Variants in SNURF observed in about 807,000 individuals in gnomAD.
SNURF encodes SNRPN upstream open reading frame, also known as SNURF protein.
Under a neutral mutation model 11.6 loss-of-function variants are expected in SNURF, and 6 were observed. That is an observed-to-expected ratio of 0.52 (90% CI 0.28 to 1.02). SNURF has a LOEUF of 1.02. SNURF is among the 50% of genes least tolerant of loss of function. The probability of loss-of-function intolerance (pLI) is 0.09; values close to 1 mark genes in which losing one functional copy is unlikely to be tolerated. For missense variants in SNURF, 84 were observed against 88.4 expected, an observed-to-expected ratio of 0.95 and a Z score of 0.20; for synonymous variants, 29 against 31.6, an observed-to-expected ratio of 0.92 and a Z score of 0.27.
chr15:24,966,609 A>T (rs763301105), intron 2 of SNURF, among the ~76,000 whole-genome samples: 1 of 152,108 alleles, frequency 6.6e-6, no homozygotes, highest in African/African-American at 2.4e-5. Context: ...ATTACCAAGA[A>T]CTCAGGTGTG....
chr15:24,957,874 C>G (rs1208688689), intron 1 of SNURF, among the ~76,000 whole-genome samples: 1 of 152,114 alleles, frequency 6.6e-6, no homozygotes, highest in Non-Finnish European at 1.5e-5. Flanking sequence ...GCCCGGGATC[C>G]TAATATGGCA....
chr15:24,958,385 CCTT>C (rs923462958), intron 1 of SNURF, among the ~76,000 whole-genome samples: 3 of 139,008 alleles, frequency 2.2e-5, no homozygotes, highest in African/African-American at 8.3e-5. Context: ...GGTCCTGTCT[CCTT>C]TTTTTTTTTT....
chr15:24,963,518 G>A (rs563431649), intron 2 of SNURF, among the ~76,000 whole-genome samples: 167 of 152,062 alleles, frequency 1.1e-3, no homozygotes, highest in Non-Finnish European at 1.6e-3. Flanking sequence ...GGGAGGCTGA[G>A]GCAGGAGAAT....
downstream of SNURF, among the ~76,000 whole-genome samples, chr15:24,973,019 C>A (rs567729741): frequency 1.2e-4 from 18 of 152,084 alleles, no homozygotes; most frequent in Non-Finnish European, 2.5e-4. Flanking sequence ...TCCTGAGTAG[C>A]TGGGATTACA....
At chr15:24,972,569 G>T (rs2076558347), downstream of SNURF, among the ~76,000 whole-genome samples, 1 of 142,028 alleles carries the variant, frequency 7.0e-6, no homozygotes, top group Non-Finnish European at 1.5e-5. Context: ...TTGAGATGGA[G>T]TTTCACTCTT....
intron 2 of SNURF, among the ~76,000 whole-genome samples, chr15:24,964,202 G>GT (rs2075284880): frequency 6.6e-6 from 1 of 151,672 alleles, no homozygotes. Context: ...TTTTATGTAC[G>GT]TTTTGTTTGT....
At chr15:24,976,241 A>G in intron 4 of SNURF, 3 of 1,224,806 alleles carry the variant, frequency 2.4e-6, no homozygotes, top group Non-Finnish European at 3.6e-6. Context: ...GAGGTTGTAT[A>G]AATATTTTGA....
chr15:24,977,661 A>C, intron 6 of SNURF: 1 of 998,530 alleles, frequency 1.0e-6, no homozygotes, highest in Non-Finnish European at 1.4e-6. Context: ...GAATAATGAG[A>C]GAAGTACATT....
At chr15:24,976,254 A>C (rs756891312) in intron 4 of SNURF, 1 of 1,303,996 alleles carries the variant, frequency 7.7e-7, no homozygotes, top group South Asian at 1.2e-5. Context: ...TATTTTGATG[A>C]GTGAGTGATC....
intron 6 of SNURF, chr15:24,977,691 A>G (rs571516377): frequency 3.1e-5 from 40 of 1,281,170 alleles, no homozygotes; most frequent in Middle Eastern, 2.0e-4. Flanking sequence ...GTTTGTAACT[A>G]ATTGGTCATT....
At chr15:24,961,182 T>TCAAACA (rs2074744073) in intron 1 of SNURF, among the ~76,000 whole-genome samples, 1 of 152,210 alleles carries the variant, frequency 6.6e-6, no homozygotes, top group Non-Finnish European at 1.5e-5. Context: ...GTGTATAAAA[T>TCAAACA]TTTACCATTT....
chr15:24,955,836 G>A (rs903606199), intron 1 of SNURF, among the ~76,000 whole-genome samples: 16 of 151,430 alleles, frequency 1.1e-4, no homozygotes, highest in Admixed American at 4.6e-4. Context: ...GCATGGCGGC[G>A]GTGGGCATGG....
At chr15:24,976,602 C>G (rs2077087455) in intron 5 of SNURF, among the ~76,000 whole-genome samples, 1 of 152,136 alleles carries the variant, frequency 6.6e-6, no homozygotes, top group Admixed American at 6.5e-5. Flanking sequence ...GTGAATTATT[C>G]TATGTGCTGG....
At chr15:24,970,998 T>C (rs17114919), downstream of SNURF, among the ~76,000 whole-genome samples, 660 of 152,330 alleles carry the variant, frequency 4.3e-3, 4 homozygotes, top group African/African-American at 0.015. Flanking sequence ...AATACTGATA[T>C]TCCATGGTGT....
downstream of SNURF, among the ~76,000 whole-genome samples, chr15:24,973,713 A>G (rs961481020): frequency 1.3e-5 from 2 of 152,134 alleles, no homozygotes; most frequent in South Asian, 2.1e-4. Context: ...AACGTGATTT[A>G]TAACTTTGTC....
intron 2 of SNURF, among the ~76,000 whole-genome samples, chr15:24,966,814 C>CA (rs1227165407): frequency 6.6e-6 from 1 of 152,102 alleles, no homozygotes; most frequent in Non-Finnish European, 1.5e-5. Context: ...TACATGCCAA[C>CA]AAGGGCAGCA....
chr15:24,968,931 A>G (rs928928932), downstream of SNURF: 1 of 151,514 alleles, frequency 6.6e-6, no homozygotes, highest in African/African-American at 2.4e-5. Context: ...TTCCTCTGTG[A>G]TTTTTCTTTT....
chr15:24,969,129 A>T (rs1412431259), downstream of SNURF, among the ~76,000 whole-genome samples: 1 of 151,792 alleles, frequency 6.6e-6, no homozygotes, highest in Admixed American at 6.6e-5. Context: ...TTGAGTTATT[A>T]ATTAATTTAT....
At chr15:24,961,633 A>T (rs1197019082) in intron 1 of SNURF, among the ~76,000 whole-genome samples, 1 of 151,886 alleles carries the variant, frequency 6.6e-6, no homozygotes, top group Non-Finnish European at 1.5e-5. Context: ...TAAAGAAAGC[A>T]CCATTTGCAT....
Sources: gnomAD v4.1 joint callset for allele counts (sites outside exome capture counted in the v4.1 genomes callset) on GRCh38, gnomAD v4.1.1 for gene constraint, MANE v1.5 for transcripts, NCBI Gene and HGNC (gene_info 2026-07-23, HGNC 2026-07-21) for gene names.